The following DDHD2 variants were observed in gnomAD, a reference collection of about 807,000 sequenced individuals.
DDHD2 encodes the protein DDHD domain containing 2.
DDHD2 carries 62 observed loss-of-function variants against 91.2 expected under a neutral mutation model. The ratio of observed to expected loss-of-function variants is 0.68; its 90% CI spans 0.55 to 0.84. The LOEUF (loss-of-function observed/expected upper bound fraction) is 0.84. Among genes scored for constraint, DDHD2 ranks in the 40% least tolerant of loss-of-function variants. The pLI is 0.00. For missense variants in DDHD2, 740 were observed against 846.9 expected (o/e 0.87, Z 1.57); for synonymous variants, 271 against 293.9 (o/e 0.92, Z 0.80).
intron 6 of DDHD2, among the ~76,000 whole-genome samples, chr8:38,241,420 T>C (rs1434446805): frequency 1.3e-5 from 2 of 151,696 alleles, no homozygotes; most frequent in Non-Finnish European, 2.9e-5. Flanking sequence ...TGTTTTTAAA[T>C]ATATTATTTT....
chr8:38,245,125 T>C (rs1307251542), intron 7 of DDHD2, among the ~76,000 whole-genome samples: 1 of 151,948 alleles, frequency 6.6e-6, no homozygotes, highest in Non-Finnish European at 1.5e-5. Context: ...TTAGTTGATA[T>C]GTCTTTTATT....
At position 38,245,879 on chromosome 8, in the gene DDHD2, GAA is replaced by G; in HGVS notation, c.987_988del (p.Tyr331HisfsTer9). 6.2e-7 allele frequency: 1 copy of G among 1,614,086 alleles called. No homozygotes were observed. Among genetic ancestry groups the G allele is most frequent in the South Asian group, 1.1e-5 (1 of 91,080 alleles). On this transcript the variant is annotated frameshift_variant, in exon 8 of 18. Coordinates refer to ENST00000397166, the MANE Select transcript of DDHD2 (RefSeq NM_015214.3). LOFTEE classifies it high-confidence loss of function. ...GACACAGTTGCTTCTGAAATGAACCGAATATACACACTTTTTCTACAGAGGAA... is the reference window on the plus strand; with the variant it reads ...GACACAGTTGCTTCTGAAATGAACCGTATACACACTTTTTCTACAGAGGAA...
chr8:38,269,628 C>T, intron 1 of DDHD2: 1 of 185,206 alleles, frequency 5.4e-6, no homozygotes, highest in African/African-American at 2.3e-5. Context: ...TCATTTAGTC[C>T]TCCCACCCAG....
intron 5 of DDHD2, chr8:38,238,492 A>G (rs996274026): frequency 2.7e-6 from 3 of 1,126,178 alleles, no homozygotes; most frequent in African/African-American, 1.7e-5. Context: ...AAGAAGTGTG[A>G]TTCCACCTAC....
rs1346496290 is a variant in DDHD2 at position 38,234,441 on chromosome 8, G to A, written c.268G>A (p.Asp90Asn). ...TGTTCCTACTGATGGGGGCAGATATGATGTTCATTTGGGGGAGAGGATGCG... is the reference window on the plus strand; with the variant it reads ...TGTTCCTACTGATGGGGGCAGATATAATGTTCATTTGGGGGAGAGGATGCG... Reference protein sequence around the residue: ...RVVPTDGGRYDVHLGERMRYA... With the variant: ...RVVPTDGGRYNVHLGERMRYA... Residue 90 changes from aspartate (D) to asparagine (N), a missense_variant, in exon 3 of 18, where the codon GAT (aspartate) becomes AAT (asparagine). Physicochemically the swap from Asp to Asn is conservative, Grantham distance 23 (BLOSUM62 1). Coordinates refer to ENST00000397166, the MANE Select transcript of DDHD2 (RefSeq NM_015214.3). 10 of 1,611,038 alleles carry A rather than the reference G, an allele frequency of 6.2e-6. No homozygotes were observed. Among genetic ancestry groups the A allele is most frequent in the Non-Finnish European group, 8.5e-6 (10 of 1,179,538 alleles).
At chr8:38,269,092 GGGCCGCCC>G (rs1490754976) in intron 1 of DDHD2, 1 of 1,527,084 alleles carries the variant, frequency 6.5e-7, no homozygotes, top group Non-Finnish European at 8.8e-7. Flanking sequence ...CTGGGAAGCG[GGGCCGCCC>G]GGGCCCGGCC....
At chr8:38,238,624 A>G in intron 5 of DDHD2, 3 of 984,016 alleles carry the variant, frequency 3.0e-6, no homozygotes, top group Non-Finnish European at 3.6e-6. Context: ...TTATGGTTTT[A>G]TAATATATTT....
At chr8:38,244,343 A>T (rs571522190) in intron 7 of DDHD2, among the ~76,000 whole-genome samples, 44 of 151,960 alleles carry the variant, frequency 2.9e-4, no homozygotes, top group African/African-American at 9.9e-4. Flanking sequence ...GCTCACTGCA[A>T]CCTCTGCCTC....
In DDHD2 at chr8:38,268,959, G is replaced by GTCTC. The variant is rs372379142; in HGVS notation, n.88-2161_88-2158dup. 810 of 1,567,862 alleles carry GTCTC rather than the reference G, an allele frequency of 5.2e-4. 3 individuals carry two copies. The African/African-American group carries it at 0.01, about 20-fold the overall frequency. On this transcript the variant is annotated intron_variant and non_coding_transcript_variant, in intron 1 of 1. Coordinates refer to the DDHD2 transcript ENST00000526071. ...AGCCACATCTCCTCCGGCTGGATGA[G>GTCTC]TCTCTGGAACGGGGGGAGCAGCTCC...
At chr8:38,241,565 C>T (rs1208133954) in intron 6 of DDHD2, among the ~76,000 whole-genome samples, 2 of 151,704 alleles carry the variant, frequency 1.3e-5, no homozygotes, top group Admixed American at 1.3e-4. Flanking sequence ...GGATTACAGG[C>T]GCACACCACC....
downstream of DDHD2, chr8:38,263,920 C>G (rs1472365403): frequency 1.0e-6 from 1 of 985,156 alleles, no homozygotes; most frequent in African/African-American, 1.7e-5. Context: ...TGTTGGACAC[C>G]TTTGAAAGAT....
chr8:38,268,607 C>A (rs1808106619), intron 1 of DDHD2: 1 of 1,451,876 alleles, frequency 6.9e-7, no homozygotes, highest in African/African-American at 1.4e-5. Flanking sequence ...GGCAGCGCCA[C>A]CAGTGAACAG....
intron 16 of DDHD2, among the ~76,000 whole-genome samples, chr8:38,255,881 T>C (rs1806477386): frequency 6.6e-6 from 1 of 152,236 alleles, no homozygotes; most frequent in African/African-American, 2.4e-5. Flanking sequence ...ATAAAGGGTA[T>C]ATACATTTGT....
chr8:38,267,191 C>T (rs781763288), downstream of DDHD2: 6 of 1,611,354 alleles, frequency 3.7e-6, no homozygotes, highest in African/African-American at 8.0e-5. Flanking sequence ...CAGATTTTCC[C>T]ATCCCTACTA....
chr8:38,259,218 GC>G, intron 16 of DDHD2, among the ~76,000 whole-genome samples: 1 of 141,500 alleles, frequency 7.1e-6, no homozygotes. Flanking sequence ...TTTCTTACTG[GC>G]TTTTTTTTTT....
intron 11 of DDHD2, chr8:38,250,944 A>C (rs1806061503): frequency 6.6e-6 from 1 of 152,072 alleles, no homozygotes; most frequent in Non-Finnish European, 1.5e-5. Flanking sequence ...CATGTGTCTG[A>C]CTTCTTTCAC....
chr8:38,233,139 A>G lies in DDHD2; in HGVS notation c.145A>G (p.Ile49Val). The change falls in exon 2 of 18, where the codon ATA (isoleucine) becomes GTA (valine). Residue 49 changes from isoleucine (I) to valine (V), a missense_variant. Around this residue, in one of 2 missense-constraint regions of DDHD2, gnomAD observed 693 missense variants for 764.2 expected, o/e 0.91. Coordinates refer to ENST00000397166, the MANE Select transcript of DDHD2 (RefSeq NM_015214.3). ...TTCTCCCCATTGGTTTTATTGTAAGATAATAGATTCTAAGGAGACATGGAT... is the reference window on the plus strand; with the variant it reads ...TTCTCCCCATTGGTTTTATTGTAAGGTAATAGATTCTAAGGAGACATGGAT... ...PVSPHWFYCKIIDSKETWIPF... is the reference protein window; with the variant it reads ...PVSPHWFYCKVIDSKETWIPF... 6.2e-7 allele frequency: 1 copy of G among 1,614,154 alleles called. No homozygotes were observed. Among genetic ancestry groups the G allele is most frequent in the Non-Finnish European group, 8.5e-7 (1 of 1,180,024 alleles).
At chr8:38,239,701 C>A (rs1433813273) in intron 5 of DDHD2, among the ~76,000 whole-genome samples, 6 of 134,334 alleles carry the variant, frequency 4.5e-5, no homozygotes, top group Non-Finnish European at 7.9e-5. Context: ...AAAAAAAAAA[C>A]CATAATTTAA....
chr8:38,259,035 A>C (rs1243781752), intron 16 of DDHD2, among the ~76,000 whole-genome samples: 1 of 152,206 alleles, frequency 6.6e-6, no homozygotes, highest in Admixed American at 6.5e-5. Context: ...TTGAGGAACA[A>C]AGGTGGGAGG....
Sources: allele counts gnomAD v4.1 joint callset (sites outside exome capture counted in the v4.1 genomes callset), GRCh38; gene constraint gnomAD v4.1.1; regional missense constraint gnomAD v4.1.1; transcripts MANE v1.5; gene names NCBI Gene and HGNC (gene_info 2026-07-23, HGNC 2026-07-21).